KCNT2: variants seen among roughly 807,000 people sequenced by gnomAD.
KCNT2 encodes the protein potassium channel subfamily T member 2.
KCNT2 carries 67 observed loss-of-function variants against 153.8 expected under a neutral mutation model. The ratio of observed to expected loss-of-function variants is 0.44; its 90% CI spans 0.36 to 0.53. KCNT2 has a LOEUF of 0.53. KCNT2 is among the 20% of genes least tolerant of loss of function. The probability of loss-of-function intolerance (pLI) is 0.00; values close to 1 mark genes in which losing one functional copy is unlikely to be tolerated. For missense variants in KCNT2, 975 were observed against 1,354.8 expected (o/e 0.72, Z 4.40); for synonymous variants, 500 against 458.8 (o/e 1.09, Z -1.15).
chr1:196,257,152 A>G, intron 26 of KCNT2: 4 of 763,642 alleles, frequency 5.2e-6, no homozygotes, highest in Non-Finnish European at 6.4e-6. Flanking sequence ...TGAGATACCT[A>G]TCAAATCAGG....
chr1:196,433,627 A>G (rs1433605562), intron 8 of KCNT2, among the ~76,000 whole-genome samples: 2 of 152,106 alleles, frequency 1.3e-5, no homozygotes, highest in African/African-American at 2.4e-5. Flanking sequence ...TTTAAAAATC[A>G]GTGTATATTT....
At chr1:196,370,469 C>G (rs915994710) in intron 14 of KCNT2, among the ~76,000 whole-genome samples, 1 of 151,754 alleles carries the variant, frequency 6.6e-6, no homozygotes, top group African/African-American at 2.4e-5. Context: ...TTTTAATCAG[C>G]CTTGGGAATT....
chr1:196,338,253 C>A (rs1665230002), intron 16 of KCNT2, among the ~76,000 whole-genome samples: 3 of 151,654 alleles, frequency 2.0e-5, no homozygotes, highest in African/African-American at 4.8e-5. Flanking sequence ...TGTTTTAAGG[C>A]CCATTGGTGA....
In KCNT2 at chr1:196,478,655, C is replaced by G. The variant is rs764039179; in HGVS notation, c.384+524G>C. 1.2e-4 allele frequency among the ~76,000 whole-genome samples: 19 copies of G among 152,120 alleles called. No individual in the cohort carries two copies. In the East Asian group the frequency reaches 3.7e-3, roughly 30 times the overall value. On this transcript the variant is annotated intron_variant, in intron 5 of 27. Coordinates refer to ENST00000294725, the MANE Select transcript of KCNT2 (RefSeq NM_198503.5). The stretch of plus-strand genomic sequence containing the variant: ...CACTGGAATTACCCATTATATGCTG[C>G]TTGTATTATTATTATCTGTATGATG...
intron 13 of KCNT2, among the ~76,000 whole-genome samples, chr1:196,376,469 A>G (rs549729534): frequency 6.6e-6 from 1 of 151,720 alleles, no homozygotes; most frequent in Non-Finnish European, 1.5e-5. Flanking sequence ...ATAATTTCAG[A>G]TAATTTCGTG....
At chr1:196,512,046 C>G (rs1681677237) in intron 1 of KCNT2, among the ~76,000 whole-genome samples, 1 of 152,148 alleles carries the variant, frequency 6.6e-6, no homozygotes. Flanking sequence ...TTCAAGGTCA[C>G]TAGTGACCTC....
intron 12 of KCNT2, among the ~76,000 whole-genome samples, chr1:196,416,810 C>T (rs1672793568): frequency 6.6e-6 from 1 of 151,978 alleles, no homozygotes; most frequent in Non-Finnish European, 1.5e-5. Flanking sequence ...TTTAAATGTA[C>T]AATTGAGTTA....
At chr1:196,466,969 C>T (rs775671783) in intron 7 of KCNT2, among the ~76,000 whole-genome samples, 3 of 151,946 alleles carry the variant, frequency 2.0e-5, no homozygotes, top group Admixed American at 6.6e-5. Flanking sequence ...CTCTTGCTTC[C>T]TTTTCTCCTA....
intron 14 of KCNT2, among the ~76,000 whole-genome samples, chr1:196,372,397 C>T (rs571632148): frequency 1.3e-5 from 2 of 151,764 alleles, no homozygotes; most frequent in African/African-American, 2.4e-5. Flanking sequence ...GAATTTACTT[C>T]GAAAATCAAC....
At chr1:196,568,083 T>A (rs1024803906) in intron 1 of KCNT2, among the ~76,000 whole-genome samples, 1 of 152,162 alleles carries the variant, frequency 6.6e-6, no homozygotes, top group Non-Finnish European at 1.5e-5. Context: ...TAAATCTCCA[T>A]CTGCATTTAC....
intron 12 of KCNT2, among the ~76,000 whole-genome samples, chr1:196,401,776 A>G (rs995498955): frequency 1.3e-5 from 2 of 151,760 alleles, no homozygotes; most frequent in Non-Finnish European, 2.9e-5. Flanking sequence ...AATGATTTTA[A>G]GAAATAATGA....
chr1:196,273,982 T>A (rs930369660), intron 25 of KCNT2, among the ~76,000 whole-genome samples: 1 of 151,746 alleles, frequency 6.6e-6, no homozygotes, highest in African/African-American at 2.4e-5. Flanking sequence ...ACTATAGTCA[T>A]AACAGAATAC....
intron 1 of KCNT2, among the ~76,000 whole-genome samples, chr1:196,590,864 G>A (rs1359266301): frequency 6.6e-6 from 1 of 152,118 alleles, no homozygotes; most frequent in Non-Finnish European, 1.5e-5. Flanking sequence ...AGTGGCTCAT[G>A]CCTGTAATCC....
intron 4 of KCNT2, among the ~76,000 whole-genome samples, chr1:196,479,637 C>T (rs111602955): frequency 0.06 from 9,092 of 152,116 alleles, 404 homozygotes; most frequent in Non-Finnish European, 0.085. Flanking sequence ...TCTCAAGCCC[C>T]GGGGCTCAAG....
At chr1:196,553,962 T>C (rs901892547) in intron 1 of KCNT2, among the ~76,000 whole-genome samples, 3 of 151,334 alleles carry the variant, frequency 2.0e-5, no homozygotes, top group Non-Finnish European at 3.0e-5. Flanking sequence ...CCAAAACCCA[T>C]AGGATACAGC....
intron 1 of KCNT2, among the ~76,000 whole-genome samples, chr1:196,587,933 C>T (rs538506631): frequency 6.5e-4 from 99 of 152,042 alleles, no homozygotes; most frequent in Non-Finnish European, 1.2e-3. Context: ...GAGAAAAATT[C>T]ATTCATCTTT....
chr1:196,554,421 C>T (rs1658362080), intron 1 of KCNT2, among the ~76,000 whole-genome samples: 1 of 151,108 alleles, frequency 6.6e-6, no homozygotes, highest in South Asian at 2.1e-4. Flanking sequence ...TGGATAATTT[C>T]CTAGACACAT....
chr1:196,571,713 A>G (rs1020210909), intron 1 of KCNT2, among the ~76,000 whole-genome samples: 1 of 152,042 alleles, frequency 6.6e-6, no homozygotes, highest in African/African-American at 2.4e-5. Context: ...TCTGAGATCT[A>G]TGTTTCCAGA....
At chr1:196,351,617 G>C (rs918817066) in intron 14 of KCNT2, among the ~76,000 whole-genome samples, 2 of 151,836 alleles carry the variant, frequency 1.3e-5, no homozygotes, top group Non-Finnish European at 2.9e-5. Context: ...GAGACAATGG[G>C]GTTTTCTAGA....
Sources: gnomAD v4.1 joint callset for allele counts (sites outside exome capture counted in the v4.1 genomes callset) on GRCh38, gnomAD v4.1.1 for gene constraint, MANE v1.5 for transcripts, NCBI Gene and HGNC (gene_info 2026-07-23, HGNC 2026-07-21) for gene names.